WDR72: variants seen among roughly 807,000 people sequenced by gnomAD.
WDR72 encodes the protein WD repeat-containing protein 72.
Under a neutral mutation model 124.2 loss-of-function variants are expected in WDR72, and 120 were observed. The observed-to-expected ratio is 0.97, with a 90% CI of 0.83 to 1.12. The LOEUF is 1.12. WDR72 is among the 50% of genes most tolerant of loss of function. The probability of loss-of-function intolerance (pLI) is 0.00; values close to 1 mark genes in which losing one functional copy is unlikely to be tolerated. For missense variants in WDR72, 1,387 were observed against 1,278.8 expected (o/e 1.08, Z -1.29); for synonymous variants, 452 against 441.7 (o/e 1.02, Z -0.29).
intron 18 of WDR72, among the ~76,000 whole-genome samples, chr15:53,529,274 ACAAAT>A (rs1892320010): frequency 6.6e-6 from 1 of 151,514 alleles, no homozygotes; most frequent in African/African-American, 2.4e-5. Context: ...ACAAAACAAA[ACAAAT>A]CCTTAAACAG....
At chr15:53,714,648 G>GA in intron 5 of WDR72, 138 bp from the exon 6 acceptor site, 1 of 681,018 alleles carries the variant, frequency 1.5e-6, no homozygotes, top group Non-Finnish European at 2.6e-6. Flanking sequence ...TTTTTAACTA[G>GA]AAAAAATAAA....
intron 17 of WDR72, among the ~76,000 whole-genome samples, chr15:53,607,458 A>ATCCC (rs1186200803): frequency 6.6e-6 from 1 of 152,190 alleles, no homozygotes; most frequent in Non-Finnish European, 1.5e-5. Context: ...GTGCTGGGAA[A>ATCCC]TCCTTATGCA....
At chr15:53,543,889 G>T (rs1442108829) in intron 18 of WDR72, among the ~76,000 whole-genome samples, 1 of 152,098 alleles carries the variant, frequency 6.6e-6, no homozygotes, top group Non-Finnish European at 1.5e-5. Context: ...ACACCTCTAC[G>T]CAAATAAACT....
At chr15:53,712,468 C>T (rs1056359360) in intron 7 of WDR72, among the ~76,000 whole-genome samples, 7 of 151,956 alleles carry the variant, frequency 4.6e-5, no homozygotes, top group South Asian at 2.1e-4. Context: ...TGGTGGCATG[C>T]GCCTATAATC....
At position 53,523,220 on chromosome 15, in the gene WDR72, G is replaced by C. The variant is rs150850792; in HGVS notation, c.3251C>G (p.Pro1084Arg). ...DRCALEESES[P>R]GEPRHHSWIA... The stretch of plus-strand genomic sequence containing the variant: ...GACTATTTTTAAATGGCTTTCACCT[G>C]GACTCTCAGACTCTTCCAAGGCACA... Residue 1084 changes from proline to arginine, a missense_variant and splice_region_variant, in exon 19 of 20, where the codon CCA becomes CGA. Pro to Arg is a moderately radical substitution (Grantham distance 103). Coordinates refer to ENST00000360509, the MANE Select transcript of WDR72 (RefSeq NM_182758.4). The C allele has an allele frequency of 2.3e-5, 37 of 1,612,452 alleles. No homozygotes were observed. In the African/African-American group the frequency reaches 4.9e-4, roughly 22 times the overall value.
chr15:53,762,406 A>C (rs1244711808), upstream of WDR72, among the ~76,000 whole-genome samples: 1 of 152,126 alleles, frequency 6.6e-6, no homozygotes, highest in Non-Finnish European at 1.5e-5. Flanking sequence ...ACTGACTACC[A>C]TTGCTTGTGC....
At chr15:53,591,795 C>T (rs1243912390) in intron 18 of WDR72, among the ~76,000 whole-genome samples, 1 of 151,596 alleles carries the variant, frequency 6.6e-6, no homozygotes, top group Non-Finnish European at 1.5e-5. Context: ...TTTTCTCAAG[C>T]TTGCATTATT....
chr15:53,691,070 T>C (rs563898778), intron 13 of WDR72, among the ~76,000 whole-genome samples: 1 of 152,262 alleles, frequency 6.6e-6, no homozygotes, highest in South Asian at 2.1e-4. Context: ...TGATAACCTT[T>C]ATAGGGTCTC....
intron 11 of WDR72, among the ~76,000 whole-genome samples, chr15:53,704,148 C>T (rs2017267557): frequency 2.0e-5 from 3 of 152,054 alleles, no homozygotes; most frequent in African/African-American, 7.2e-5. Flanking sequence ...CATATATGTA[C>T]AATAATAATC....
At chr15:53,580,184 ATTC>A (rs1253375787) in intron 18 of WDR72, among the ~76,000 whole-genome samples, 3 of 152,146 alleles carry the variant, frequency 2.0e-5, no homozygotes, top group African/African-American at 7.2e-5. Context: ...GGACTCCCAT[ATTC>A]TTCAACTACC....
intron 14 of WDR72, among the ~76,000 whole-genome samples, chr15:53,653,736 G>A (rs898754372): frequency 6.6e-6 from 1 of 152,112 alleles, no homozygotes; most frequent in African/African-American, 2.4e-5. Context: ...AGTTATGTGA[G>A]TTCAATAGAC....
chr15:53,586,414 C>A (rs2012216785), intron 18 of WDR72, among the ~76,000 whole-genome samples: 1 of 152,052 alleles, frequency 6.6e-6, no homozygotes, highest in African/African-American at 2.4e-5. Context: ...AATCTAATCA[C>A]CATCATAAGT....
rs911663492 is a variant in WDR72 at position 53,602,288 on chromosome 15, A to T, written c.2953-5014T>A. ...AATGAAAAAGATCTTTGAAACTACC[A>T]AGAACAAAGATACAATATACCAGAA... On this transcript the variant is annotated intron_variant, in intron 17 of 19. Transcript: ENST00000360509. Among the ~76,000 whole-genome samples the T allele has an allele frequency of 3.9e-5, 6 of 152,070 alleles. No individual in the cohort carries two copies. In the South Asian group the frequency reaches 1.2e-3, roughly 31 times the overall value.
intron 18 of WDR72, among the ~76,000 whole-genome samples, chr15:53,585,592 C>A (rs1243119961): frequency 1.3e-5 from 2 of 152,018 alleles, no homozygotes; most frequent in Non-Finnish European, 2.9e-5. Context: ...TGTCTACCGT[C>A]TGTCTATTTC....
At chr15:53,569,760 C>T (rs1894440661) in intron 18 of WDR72, among the ~76,000 whole-genome samples, 1 of 151,976 alleles carries the variant, frequency 6.6e-6, no homozygotes, top group Non-Finnish European at 1.5e-5. Context: ...CTTTATCATG[C>T]CCCCCTAGAA....
chr15:53,758,782 GCGGT>G (rs1567067956), intron 1 of WDR72, among the ~76,000 whole-genome samples: 2 of 75,828 alleles, frequency 2.6e-5, no homozygotes, highest in Non-Finnish European at 5.6e-5. Context: ...GGGGGGGGGG[GCGGT>G]GCGGGCGGGG....
At chr15:53,535,271 G>A (rs1256781359) in intron 18 of WDR72, among the ~76,000 whole-genome samples, 3 of 152,006 alleles carry the variant, frequency 2.0e-5, no homozygotes, top group African/African-American at 7.3e-5. Flanking sequence ...CCAGGGCACC[G>A]TTAAGTTATT....
chr15:53,588,413 A>C (rs1194460296), intron 18 of WDR72, among the ~76,000 whole-genome samples: 1 of 152,056 alleles, frequency 6.6e-6, no homozygotes, highest in Non-Finnish European at 1.5e-5. Context: ...GTAGAAAGTA[A>C]TATAAATGAA....
chr15:53,737,491 A>G (rs897219614), intron 1 of WDR72, among the ~76,000 whole-genome samples: 15 of 152,212 alleles, frequency 9.9e-5, no homozygotes, highest in Admixed American at 8.5e-4. Flanking sequence ...GTACCAGGCA[A>G]ATAGTAATAA....
Sources: allele counts gnomAD v4.1 joint callset (sites outside exome capture counted in the v4.1 genomes callset), GRCh38; gene constraint gnomAD v4.1.1; transcripts MANE v1.5; gene names NCBI Gene and HGNC (gene_info 2026-07-23, HGNC 2026-07-21).